The following PPFIA2 variants were observed in gnomAD, a reference collection of about 807,000 sequenced individuals.
PPFIA2 encodes the protein liprin-alpha-2.
Under a neutral mutation model 175.5 loss-of-function variants are expected in PPFIA2, and 46 were observed. The ratio of observed to expected loss-of-function variants is 0.26; its 90% CI spans 0.21 to 0.34. The LOEUF (loss-of-function observed/expected upper bound fraction) is 0.34. Ranked by LOEUF, PPFIA2 falls within the 10% of genes least tolerant of loss-of-function variation. PPFIA2 has a pLI of 1.00. For synonymous variants in PPFIA2, 568 were observed against 511.4 expected, an observed-to-expected ratio of 1.11 and a Z score of -1.49; for missense variants, 1,179 against 1,506.1, an observed-to-expected ratio of 0.78 and a Z score of 3.60.
intron 8 of PPFIA2, among the ~76,000 whole-genome samples, chr12:81,400,168 G>A (rs1258330041): frequency 6.6e-6 from 1 of 152,122 alleles, no homozygotes; most frequent in East Asian, 1.9e-4. Context: ...CAGCTGACAG[G>A]TTTGCATGAG....
intron 4 of PPFIA2, among the ~76,000 whole-genome samples, chr12:81,586,603 A>C (rs2153436120): frequency 6.6e-6 from 1 of 152,008 alleles, no homozygotes; most frequent in Non-Finnish European, 1.5e-5. Context: ...CTTCAAAATG[A>C]ATTATATAAC....
intron 3 of PPFIA2, among the ~76,000 whole-genome samples, chr12:81,706,504 G>T (rs1266634053): frequency 1.3e-5 from 2 of 152,158 alleles, no homozygotes; most frequent in South Asian, 2.1e-4. Context: ...TTTTATTTAT[G>T]TATAATACTT....
intron 8 of PPFIA2, among the ~76,000 whole-genome samples, chr12:81,386,486 G>A (rs1410456534): frequency 6.6e-6 from 1 of 151,708 alleles, no homozygotes; most frequent in Non-Finnish European, 1.5e-5. Flanking sequence ...GCCAGGTGTT[G>A]TGGCACGCAC....
intron 27 of PPFIA2, among the ~76,000 whole-genome samples, chr12:81,279,576 C>T (rs1187893348): frequency 1.3e-5 from 2 of 152,186 alleles, no homozygotes; most frequent in Non-Finnish European, 1.5e-5. Context: ...ATGCAATATA[C>T]AGTCAGGTAC....
chr12:81,446,560 T>C lies in PPFIA2; in HGVS notation c.406-840A>G, dbSNP rs117886230. Among the ~76,000 whole-genome samples, 638 of 152,336 alleles carry C rather than the reference T, an allele frequency of 4.2e-3. 3 individuals carry two copies. The highest frequency in any genetic ancestry group is 6.9e-3 in the Non-Finnish European group (469 of 68,024). Reference sequence around the variant, plus strand: ...GAAATTGCTTGATTATTTTCAGTTATTATAATTTTACTAGTGAAGAACCAC... The same window carrying C: ...GAAATTGCTTGATTATTTTCAGTTACTATAATTTTACTAGTGAAGAACCAC... On this transcript the variant is annotated intron_variant, in intron 5 of 32. Coordinates refer to ENST00000549396, the MANE Select transcript of PPFIA2 (RefSeq NM_003625.5).
chr12:81,420,260 T>C (rs2046014055), intron 7 of PPFIA2, among the ~76,000 whole-genome samples: 1 of 152,072 alleles, frequency 6.6e-6, no homozygotes, highest in African/African-American at 2.4e-5. Flanking sequence ...TCAATGCATG[T>C]CTATGAGAAT....
chr12:81,416,724 T>C (rs2045341035), intron 7 of PPFIA2, among the ~76,000 whole-genome samples: 1 of 151,686 alleles, frequency 6.6e-6, no homozygotes, highest in Admixed American at 6.6e-5. Flanking sequence ...GTCAGAGGTA[T>C]CAAAATCTGC....
At chr12:81,634,381 T>C (rs1262790454) in intron 4 of PPFIA2, among the ~76,000 whole-genome samples, 1 of 152,066 alleles carries the variant, frequency 6.6e-6, no homozygotes, top group African/African-American at 2.4e-5. Flanking sequence ...AAAAAAATGT[T>C]TGAGCTGTTT....
intron 4 of PPFIA2, among the ~76,000 whole-genome samples, chr12:81,652,298 T>C (rs2067143095): frequency 6.7e-6 from 1 of 150,222 alleles, no homozygotes; most frequent in Non-Finnish European, 1.5e-5. Flanking sequence ...CTCATGAAGC[T>C]ATAAAAAGCA....
At chr12:81,539,092 G>T (rs925718098) in intron 4 of PPFIA2, among the ~76,000 whole-genome samples, 1 of 151,950 alleles carries the variant, frequency 6.6e-6, no homozygotes, top group Non-Finnish European at 1.5e-5. Flanking sequence ...ATGATTTCAA[G>T]ATTTTATACT....
At chr12:81,671,007 A>C (rs187431484) in intron 4 of PPFIA2, among the ~76,000 whole-genome samples, 4 of 151,952 alleles carry the variant, frequency 2.6e-5, no homozygotes, top group African/African-American at 7.2e-5. Flanking sequence ...ATCAACTCCA[A>C]TAGCTTTAAT....
intron 4 of PPFIA2, among the ~76,000 whole-genome samples, chr12:81,507,185 A>G (rs2061267197): frequency 6.6e-6 from 1 of 152,176 alleles, no homozygotes; most frequent in Non-Finnish European, 1.5e-5. Context: ...TTTTTAACAC[A>G]AGCTATCATT....
At chr12:81,342,708 T>C (rs748519120) in intron 19 of PPFIA2, among the ~76,000 whole-genome samples, 13 of 152,086 alleles carry the variant, frequency 8.5e-5, no homozygotes, top group Non-Finnish European at 1.6e-4. Context: ...TCCTAATACA[T>C]GTTAGTGTTT....
intron 3 of PPFIA2, among the ~76,000 whole-genome samples, chr12:81,739,832 T>C (rs987237847): frequency 6.6e-6 from 1 of 151,990 alleles, no homozygotes; most frequent in African/African-American, 2.4e-5. Flanking sequence ...CCAGGTAACA[T>C]CAATATTAAC....
intron 4 of PPFIA2, among the ~76,000 whole-genome samples, chr12:81,623,522 A>G (rs74750909): frequency 0.031 from 4,745 of 152,052 alleles, 91 homozygotes; most frequent in South Asian, 0.066. Flanking sequence ...TACAAATATA[A>G]GCAGTTAAGT....
intron 21 of PPFIA2, among the ~76,000 whole-genome samples, chr12:81,331,694 A>G (rs189986248): frequency 1.3e-4 from 20 of 152,308 alleles, no homozygotes; most frequent in East Asian, 5.8e-4. Context: ...TATACATGCA[A>G]TTGGGAATTC....
chr12:81,396,050 A>G (rs1175732474), intron 8 of PPFIA2, among the ~76,000 whole-genome samples: 1 of 152,042 alleles, frequency 6.6e-6, no homozygotes, highest in Non-Finnish European at 1.5e-5. Flanking sequence ...AGAGGGTGGA[A>G]GAAAATTTTC....
chr12:81,637,292 T>G (rs2064228886), intron 4 of PPFIA2, among the ~76,000 whole-genome samples: 5 of 123,666 alleles, frequency 4.0e-5, no homozygotes, highest in Non-Finnish European at 8.3e-5. Context: ...TTAGTAGAGA[T>G]GGGGTTTCTC....
chr12:81,666,862 G>A (rs148893882), intron 4 of PPFIA2, among the ~76,000 whole-genome samples: 1 of 152,158 alleles, frequency 6.6e-6, no homozygotes, highest in East Asian at 1.9e-4. Flanking sequence ...AAATCAAATT[G>A]AGGCTGACTT....
Sources: gnomAD v4.1 joint callset for allele counts (sites outside exome capture counted in the v4.1 genomes callset) on GRCh38, gnomAD v4.1.1 for gene constraint, MANE v1.5 for transcripts, NCBI Gene and HGNC (gene_info 2026-07-23, HGNC 2026-07-21) for gene names.